The following MED13L variants were observed in gnomAD, a reference collection of about 807,000 sequenced individuals.
The protein encoded by MED13L is mediator of RNA polymerase II transcription subunit 13-like.
MED13L carries 7 observed loss-of-function variants against 220.9 expected under a neutral mutation model. The ratio of observed to expected loss-of-function variants is 0.03; its 90% CI spans 0.02 to 0.06. The LOEUF is 0.06. MED13L is among the 10% of genes least tolerant of loss of function. The probability of loss-of-function intolerance (pLI) is 1.00; values close to 1 mark genes in which losing one functional copy is unlikely to be tolerated. For missense variants in MED13L, 1,965 were observed against 2,760.5 expected (o/e 0.71, Z 6.46); for synonymous variants, 1,011 against 1,015.2 (o/e 1.00, Z 0.08).
intron 3 of MED13L, chr12:116,110,134 C>T (rs1873953159): frequency 6.6e-6 from 1 of 152,146 alleles, no homozygotes; most frequent in South Asian, 2.1e-4. Context: ...CACTTCTCCC[C>T]TCAAAACACT....
In MED13L at chr12:116,207,743, G is replaced by A. The variant is rs552515224; in HGVS notation, c.310+29725C>T. ...TGTAGTCCTGAACTTGAATTGCCAA[G>A]TATCAGTATGAATTACTATGTAATT... On this transcript the variant is annotated intron_variant, in intron 2 of 30. Transcript: ENST00000281928. Among the ~76,000 whole-genome samples the A allele has an allele frequency of 1.4e-4, 21 of 151,444 alleles. No homozygotes were observed. In the East Asian group the frequency reaches 4.1e-3, roughly 29 times the overall value.
intron 4 of MED13L, among the ~76,000 whole-genome samples, chr12:116,059,362 C>T (rs1401317061): frequency 1.3e-5 from 2 of 151,832 alleles, no homozygotes; most frequent in Non-Finnish European, 2.9e-5. Flanking sequence ...GCCTGGCCTG[C>T]TTAAACAAGC....
At chr12:116,247,023 G>C (rs1467514727) in intron 1 of MED13L, among the ~76,000 whole-genome samples, 1 of 152,036 alleles carries the variant, frequency 6.6e-6, no homozygotes. Context: ...CCTCCTCTTC[G>C]ATAGTGGAAG....
intron 1 of MED13L, among the ~76,000 whole-genome samples, chr12:116,241,664 T>C (rs1035235807): frequency 6.6e-6 from 1 of 152,202 alleles, no homozygotes; most frequent in African/African-American, 2.4e-5. Context: ...AAAGTTGTTC[T>C]AGCAAGTGAT....
chr12:116,001,945 T>C (rs772313075), intron 14 of MED13L, among the ~76,000 whole-genome samples: 5 of 152,176 alleles, frequency 3.3e-5, no homozygotes, highest in Admixed American at 6.5e-5. Flanking sequence ...ACATTTCACA[T>C]CACTACGCAT....
intron 2 of MED13L, among the ~76,000 whole-genome samples, chr12:116,148,262 G>A (rs1005059505): frequency 1.3e-5 from 2 of 151,072 alleles, no homozygotes; most frequent in Non-Finnish European, 2.9e-5. Flanking sequence ...TAACTCAACC[G>A]TCTCCCCTAC....
At chr12:116,083,422 A>AC (rs1306368334) in intron 4 of MED13L, among the ~76,000 whole-genome samples, 2 of 151,402 alleles carry the variant, frequency 1.3e-5, no homozygotes, top group African/African-American at 2.4e-5. Context: ...AAAAAAAAAA[A>AC]AAAAACACCT....
At chr12:116,189,364 T>C (rs1263292450) in intron 2 of MED13L, among the ~76,000 whole-genome samples, 4 of 152,158 alleles carry the variant, frequency 2.6e-5, no homozygotes, top group Non-Finnish European at 5.9e-5. Context: ...TTTTTTTTAA[T>C]ACTTTGCGTT....
Position 116,172,975 on chromosome 12 carries a change from A to G in MED13L, c.311-61463T>C, listed in dbSNP as rs370713415. ...TACTATTCCGTGCTATACAACAGATAAAAGTTGTCACTCCCAGTCCAGGAG... is the reference window on the plus strand; with the variant it reads ...TACTATTCCGTGCTATACAACAGATGAAAGTTGTCACTCCCAGTCCAGGAG... On this transcript the variant is annotated intron_variant, in intron 2 of 30. Transcript: ENST00000281928. Among the ~76,000 whole-genome samples the G allele has an allele frequency of 1.1e-4, 17 of 152,004 alleles. No individual in the cohort carries two copies. In the South Asian group the frequency reaches 3.5e-3, roughly 32 times the overall value.
In MED13L at chr12:115,980,753, A is replaced by T; in HGVS notation, c.5361T>A (p.Pro1787=). ...TTTCTGTCCTGCCAATACCTACCTC[A>T]GGGTTCTTGAGGGTCATCTCAATGC... ...AASIEMTLKN[P]ERPSPIQLYS... is the part of the protein sequence containing the mutation. The change falls in exon 23 of 31, where the codon CCT becomes CCA. Residue 1787 remains proline (P), a synonymous_variant. Transcript: ENST00000281928. 6.2e-7 allele frequency: 1 copy of T among 1,614,058 alleles called. No individual in the cohort carries two copies. The highest frequency in any genetic ancestry group is 8.5e-7 in the Non-Finnish European group (1 of 1,179,982).
At chr12:116,060,053 T>C (rs535142695) in intron 4 of MED13L, among the ~76,000 whole-genome samples, 1 of 152,052 alleles carries the variant, frequency 6.6e-6, no homozygotes, top group South Asian at 2.1e-4. Flanking sequence ...ATACTAGAGG[T>C]GCAGTATGCA....
chr12:116,132,120 G>A (rs1287150274), intron 2 of MED13L, among the ~76,000 whole-genome samples: 1 of 151,474 alleles, frequency 6.6e-6, no homozygotes, highest in African/African-American at 2.4e-5. Flanking sequence ...CTCTACAAAA[G>A]TACAAAAAAA....
At chr12:116,149,305 G>A (rs1050592074) in intron 2 of MED13L, among the ~76,000 whole-genome samples, 1 of 152,124 alleles carries the variant, frequency 6.6e-6, no homozygotes, top group Admixed American at 6.5e-5. Context: ...GACCCCACTA[G>A]ATTAATTAAA....
intron 2 of MED13L, among the ~76,000 whole-genome samples, chr12:116,201,390 A>G (rs1881996388): frequency 6.6e-6 from 1 of 152,216 alleles, no homozygotes; most frequent in African/African-American, 2.4e-5. Flanking sequence ...CCTTAACTAA[A>G]AAAGAAATTA....
intron 16 of MED13L, among the ~76,000 whole-genome samples, chr12:115,995,389 T>C (rs553307808): frequency 1.5e-4 from 23 of 152,350 alleles, no homozygotes; most frequent in African/African-American, 5.3e-4. Context: ...TAAGAAATTA[T>C]TCATCACAGG....
At chr12:115,976,287 T>G (rs571296107) in intron 23 of MED13L, among the ~76,000 whole-genome samples, 16 of 152,324 alleles carry the variant, frequency 1.1e-4, no homozygotes, top group African/African-American at 3.8e-4. Context: ...GTGAAAGAGA[T>G]AATAAATTGT....
At chr12:116,118,298 GAAAGTGTACTAAA>G (rs1020471447) in intron 2 of MED13L, among the ~76,000 whole-genome samples, 8 of 151,920 alleles carry the variant, frequency 5.3e-5, no homozygotes, top group African/African-American at 1.9e-4. Flanking sequence ...CTTGTCTAAG[GAAAGTGTACTAAA>G]GCTTAGAAAA....
At chr12:115,972,019 T>C in intron 26 of MED13L, 59 bp downstream of exon 26, 1 of 1,577,572 alleles carries the variant, frequency 6.3e-7, no homozygotes. Flanking sequence ...CGGACTTAAG[T>C]TTGAGTGGAC....
intron 2 of MED13L, among the ~76,000 whole-genome samples, chr12:116,155,354 T>G (rs1036562662): frequency 1.3e-5 from 2 of 152,090 alleles, no homozygotes; most frequent in African/African-American, 2.4e-5. Flanking sequence ...GCCCAGAGGT[T>G]CCAGACTGCA....
Sources: gnomAD v4.1 joint callset for allele counts (sites outside exome capture counted in the v4.1 genomes callset) on GRCh38, gnomAD v4.1.1 for gene constraint, MANE v1.5 for transcripts, NCBI Gene and HGNC (gene_info 2026-07-23, HGNC 2026-07-21) for gene names.